The following PTGFR variants were observed in gnomAD, a reference collection of about 807,000 sequenced individuals.
The protein encoded by PTGFR is prostaglandin F receptor, also known as prostaglandin F2-alpha receptor.
In PTGFR, 15 loss-of-function variants were observed where a neutral mutation model predicts 26.2. The observed-to-expected ratio is 0.57, with a 90% confidence interval of 0.38 to 0.88. The LOEUF (loss-of-function observed/expected upper bound fraction) is 0.88, where lower values mean the gene tolerates loss of function less well. Among genes scored for constraint, PTGFR ranks in the 40% least tolerant of loss-of-function variants. The pLI, the probability that PTGFR is intolerant of heterozygous loss-of-function variation, is 0.00. For synonymous variants in PTGFR, 165 were observed against 151.1 expected, an observed-to-expected ratio of 1.09 and a Z score of -0.68; for missense variants, 369 against 427.2, an observed-to-expected ratio of 0.86 and a Z score of 1.20.
chr1:78,507,448 G>T (rs1403240940), intron 2 of PTGFR, among the ~76,000 whole-genome samples: 1 of 152,118 alleles, frequency 6.6e-6, no homozygotes, highest in Non-Finnish European at 1.5e-5. Context: ...TTAGATTTTA[G>T]ATTTGAATTG....
chr1:78,515,717 T>C (rs1394069441), intron 2 of PTGFR, among the ~76,000 whole-genome samples: 1 of 152,232 alleles, frequency 6.6e-6, no homozygotes, highest in Non-Finnish European at 1.5e-5. Flanking sequence ...CATCTAATTC[T>C]ATATGACCAT....
At position 78,538,683 on chromosome 1, in the gene PTGFR, G is replaced by A. The variant is rs1650718916; in HGVS notation, c.*1996G>A. 6.6e-6 allele frequency: 1 copy of A among 152,026 alleles called. No homozygotes were observed. The highest frequency in any genetic ancestry group is 6.6e-5 in the Admixed American group (1 of 15,230). 9.4% of individuals were successfully genotyped at this position (152,026 alleles called of 1,614,324 possible). ...GTTGCATGTAGCTTGGCGATTTACT[G>A]TGTAATGAATAATAGACTGGAACAT... On this transcript the variant is annotated 3_prime_UTR_variant, in exon 3 of 3. Coordinates refer to ENST00000370757, the MANE Select transcript of PTGFR (RefSeq NM_000959.4).
intron 2 of PTGFR, among the ~76,000 whole-genome samples, chr1:78,510,668 CT>C (rs1341833157): frequency 6.6e-6 from 1 of 152,110 alleles, no homozygotes; most frequent in Non-Finnish European, 1.5e-5. Context: ...ATCTCATATC[CT>C]ACTCGTACTG....
intron 2 of PTGFR, among the ~76,000 whole-genome samples, chr1:78,512,956 A>G (rs1189976374): frequency 1.3e-5 from 2 of 152,066 alleles, no homozygotes; most frequent in African/African-American, 4.8e-5. Context: ...TTATAACCGT[A>G]TGCTTCCTAA....
chr1:78,520,140 G>A (rs1557655402), intron 2 of PTGFR, among the ~76,000 whole-genome samples: 3 of 151,940 alleles, frequency 2.0e-5, no homozygotes, highest in African/African-American at 2.4e-5. Flanking sequence ...TTGGGTTTGC[G>A]CCATTCTGAG....
chr1:78,496,357 T>A (rs1233210818), intron 2 of PTGFR, among the ~76,000 whole-genome samples: 1 of 152,222 alleles, frequency 6.6e-6, no homozygotes, highest in East Asian at 1.9e-4. Context: ...AGCTTCTGAT[T>A]TTTAAAAATA....
intron 2 of PTGFR, chr1:78,497,853 T>C: frequency 1.3e-6 from 2 of 1,520,756 alleles, no homozygotes; most frequent in Non-Finnish European, 1.8e-6. Context: ...AGGCCATATG[T>C]TTGTTTTACC....
intron 2 of PTGFR, among the ~76,000 whole-genome samples, chr1:78,496,525 T>A (rs1649556401): frequency 6.6e-6 from 1 of 152,156 alleles, no homozygotes; most frequent in East Asian, 1.9e-4. Flanking sequence ...CTTTGGCCAG[T>A]GTTCACAGTC....
intron 2 of PTGFR, among the ~76,000 whole-genome samples, chr1:78,493,805 A>G (rs1649476390): frequency 6.6e-6 from 1 of 152,242 alleles, no homozygotes. Flanking sequence ...CAGAAGTTAC[A>G]TATTTTTAAC....
At chr1:78,525,055 G>A (rs1650340140) in intron 2 of PTGFR, among the ~76,000 whole-genome samples, 1 of 151,258 alleles carries the variant, frequency 6.6e-6, no homozygotes, top group Admixed American at 6.6e-5. Context: ...ATTCCAACAT[G>A]CCAGATGTGT....
At chr1:78,495,368 C>T (rs540542991) in intron 2 of PTGFR, among the ~76,000 whole-genome samples, 7 of 152,170 alleles carry the variant, frequency 4.6e-5, no homozygotes, top group Admixed American at 3.3e-4. Context: ...AGAAATTTCC[C>T]GAGTGTAATG....
chr1:78,497,195 G>T (rs1393081804), intron 2 of PTGFR, among the ~76,000 whole-genome samples: 1 of 152,014 alleles, frequency 6.6e-6, no homozygotes, highest in African/African-American at 2.4e-5. Flanking sequence ...CATAACATTT[G>T]TTTAAAATAT....
At chr1:78,520,547 C>A (rs557414491) in intron 2 of PTGFR, among the ~76,000 whole-genome samples, 1 of 152,196 alleles carries the variant, frequency 6.6e-6, no homozygotes, top group Non-Finnish European at 1.5e-5. Context: ...TGCTGACAAT[C>A]TCCTAAGAGC....
chr1:78,528,909 G>A (rs771603203), intron 2 of PTGFR, among the ~76,000 whole-genome samples: 4 of 152,112 alleles, frequency 2.6e-5, no homozygotes, highest in African/African-American at 7.2e-5. Flanking sequence ...TGCTGAGACC[G>A]TGAACTAATA....
In PTGFR at chr1:78,492,691, GCA is replaced by G. The variant is rs1466691425; in HGVS notation, c.-50_-49del. Reference sequence around the variant, plus strand: ...CTACAGATGTCTGGACTGCAATCCTGCACAGTTTTGAGAGGGAGATGACTTGA... The same window carrying G: ...CTACAGATGTCTGGACTGCAATCCTGCAGTTTTGAGAGGGAGATGACTTGA... On this transcript the variant is annotated 5_prime_UTR_variant, in exon 2 of 3. An upstream open reading frame in the 5' UTR loses its in-frame stop. Coordinates refer to ENST00000370757, the MANE Select transcript of PTGFR (RefSeq NM_000959.4). 2 of 1,518,456 alleles carry G rather than the reference GCA, an allele frequency of 1.3e-6. No homozygotes were observed. The highest frequency in any genetic ancestry group is 3.7e-5 in the Admixed American group (2 of 53,996). 94.1% of individuals were successfully genotyped at this position (1,518,456 alleles called of 1,614,324 possible).
In PTGFR at chr1:78,496,948, T is replaced by C. The variant is rs564940793; in HGVS notation, c.798+3407T>C. On this transcript the variant is annotated intron_variant, in intron 2 of 2. Coordinates refer to ENST00000370757, the MANE Select transcript of PTGFR (RefSeq NM_000959.4). ...CTTTGTTGTGGCATATTTGTTAGAA[T>C]CGATGAGCTGACATTGCTATATTAT... 2.0e-5 allele frequency among the ~76,000 whole-genome samples: 3 copies of C among 146,940 alleles called. No homozygotes were observed. In the East Asian group the frequency reaches 6.1e-4, roughly 30 times the overall value.
At position 78,540,590 on chromosome 1, in the gene PTGFR, T is replaced by C. The variant is rs185694953; in HGVS notation, c.*3903T>C. ...GGACTATATAATAGAAAGAGGGAAA[T>C]CTTGGTTCTTAAAAATTCAGGCAAT... On this transcript the variant is annotated 3_prime_UTR_variant, in exon 3 of 3. Transcript: ENST00000370757. Among the ~76,000 whole-genome samples, 8 of 152,124 alleles carry C rather than the reference T, an allele frequency of 5.3e-5. No individual in the cohort carries two copies. Among genetic ancestry groups the C allele is most frequent in the African/African-American group, 1.7e-4 (7 of 41,432 alleles).
chr1:78,531,027 A>T (rs1650494160), intron 2 of PTGFR, among the ~76,000 whole-genome samples: 1 of 152,194 alleles, frequency 6.6e-6, no homozygotes, highest in Admixed American at 6.6e-5. Context: ...CCTTGAAGAC[A>T]CATTGGGGTA....
intron 2 of PTGFR, among the ~76,000 whole-genome samples, chr1:78,508,875 T>C (rs1025145082): frequency 2.6e-5 from 4 of 152,216 alleles, no homozygotes. Context: ...GGCTACAAGA[T>C]ACTGATATGA....
Sources: allele counts gnomAD v4.1 joint callset (sites outside exome capture counted in the v4.1 genomes callset), GRCh38; gene constraint gnomAD v4.1.1; transcripts MANE v1.5; gene names NCBI Gene and HGNC (gene_info 2026-07-23, HGNC 2026-07-21).